Variants in UBN1 observed in about 807,000 individuals in gnomAD.
The protein encoded by UBN1 is ubinuclein 1, also known as ubinuclein-1.
In UBN1, 17 loss-of-function variants were observed where a neutral mutation model predicts 108.5. The observed-to-expected ratio is 0.16, with a 90% CI of 0.11 to 0.24. The LOEUF is 0.24. UBN1 is among the 10% of genes least tolerant of loss of function. The pLI is 1.00. For synonymous variants in UBN1, 726 were observed against 564.2 expected (o/e 1.29, Z -4.07); for missense variants, 1,595 against 1,394.4 (o/e 1.14, Z -2.29).
At chr16:4,872,676 C>T (rs1443910151) in intron 12 of UBN1, among the ~76,000 whole-genome samples, 1 of 152,156 alleles carries the variant, frequency 6.6e-6, no homozygotes, top group East Asian at 1.9e-4. Context: ...ACCATGTTGG[C>T]CAGGCTGGTC....
In UBN1 at chr16:4,868,898, A is replaced by T; in HGVS notation, c.1176A>T (p.Leu392=). The part of the protein sequence containing the change: ...KFFTQDINGI[L]LDIEAQTREL... The stretch of plus-strand genomic sequence containing the variant: ...TCACCCAGGATATTAATGGAATCCT[A>T]TTAGAGTGAGTATCGTCTGTCTGTC... Residue 392 remains leucine, a synonymous_variant, in exon 8 of 18, where the codon CTA becomes CTT. Coordinates refer to ENST00000262376, the MANE Select transcript of UBN1 (RefSeq NM_001079514.3). 6.2e-7 allele frequency: 1 copy of T among 1,613,860 alleles called. No individual in the cohort carries two copies. The highest frequency in any genetic ancestry group is 1.3e-5 in the African/African-American group (1 of 74,990).
intron 7 of UBN1, 90 bp from the exon 8 acceptor site, chr16:4,868,743 T>A: frequency 7.7e-7 from 1 of 1,303,402 alleles, no homozygotes; most frequent in Non-Finnish European, 1.1e-6. Flanking sequence ...AGGTGCTCTT[T>A]ATGGAGCGAT....
intron 7 of UBN1, among the ~76,000 whole-genome samples, chr16:4,864,707 A>T (rs1039668754): frequency 6.6e-6 from 1 of 152,130 alleles, no homozygotes; most frequent in Non-Finnish European, 1.5e-5. Context: ...ACCCAGATCT[A>T]TTTTGGTTCT....
chr16:4,854,348 T>TGTG (rs1775765483), intron 2 of UBN1, among the ~76,000 whole-genome samples: 1 of 142,418 alleles, frequency 7.0e-6, no homozygotes, highest in African/African-American at 2.7e-5. Flanking sequence ...TTTTTGTTGT[T>TGTG]GTTGTTGTTT....
chr16:4,876,785 G>A, intron 15 of UBN1, 86 bp from the exon 16 acceptor site: 2 of 1,515,080 alleles, frequency 1.3e-6, no homozygotes, highest in African/African-American at 1.4e-5. Context: ...GGACACACAA[G>A]GAGGATCCTT....
rs183700367 is a variant in UBN1, at chr16:4,857,703, G to A, written c.250-287G>A. On this transcript the variant is annotated intron_variant, in intron 2 of 17. Transcript: ENST00000262376. ...ACTTTATTGAACGTGGTTGTGTAGC[G>A]ACTGGGCATCTCCTTCTAAAGGCCC... Among the ~76,000 whole-genome samples the A allele has an allele frequency of 1.5e-3, 224 of 152,294 alleles. 5 individuals are homozygous for A. Among genetic ancestry groups the A allele is most frequent in the Middle Eastern group, 3.4e-3 (1 of 294 alleles).
chr16:4,861,769 C>G (rs1253811379), intron 7 of UBN1, among the ~76,000 whole-genome samples: 1 of 152,222 alleles, frequency 6.6e-6, no homozygotes, highest in Non-Finnish European at 1.5e-5. Context: ...TGGTGAAACC[C>G]TGTTTCTACT....
intron 1 of UBN1, among the ~76,000 whole-genome samples, chr16:4,851,356 A>G (rs546493357): frequency 6.6e-6 from 1 of 152,304 alleles, no homozygotes; most frequent in Admixed American, 6.5e-5. Context: ...AGGCTGAGGT[A>G]GGAGGATCGC....
intron 12 of UBN1, chr16:4,872,447 TTTGTGTGTG>T: frequency 3.0e-6 from 1 of 333,960 alleles, no homozygotes; most frequent in Non-Finnish European, 4.0e-6. Flanking sequence ...GACCTTTTTT[TTTGTGTGTG>T]TGGGGGGTGG....
intron 11 of UBN1, 41 bp from the exon 12 acceptor site, chr16:4,871,114 C>T (rs367783587): frequency 3.1e-6 from 5 of 1,611,644 alleles, no homozygotes; most frequent in Non-Finnish European, 4.2e-6. Flanking sequence ...GGAGCAGCAT[C>T]TGAAGTAGTT....
chr16:4,852,944 C>T lies in UBN1; in HGVS notation c.27C>T (p.Phe9=). Residue 9 remains phenylalanine (F), a synonymous_variant, in exon 2 of 18, where the codon TTC becomes TTT. Transcript: ENST00000262376. ...TGTCGGAGCCCCACAGGGTCCAGTT[C>T]ACCTCTCTCCCAGGTTCCCTGAATC... MSEPHRVQ[F]TSLPGSLNPA... is the part of the protein sequence containing the mutation. The T allele has an allele frequency of 6.2e-7, 1 of 1,614,156 alleles. No individual in the cohort carries two copies. Among genetic ancestry groups the T allele is most frequent in the Non-Finnish European group, 8.5e-7 (1 of 1,180,028 alleles).
intron 1 of UBN1, among the ~76,000 whole-genome samples, chr16:4,849,532 AG>A (rs1469328464): frequency 6.6e-6 from 1 of 152,122 alleles, no homozygotes; most frequent in South Asian, 2.1e-4. Context: ...CCAAGGGACA[AG>A]GAAGGCTAGT....
chr16:4,867,021 T>A (rs2087367781), intron 7 of UBN1, among the ~76,000 whole-genome samples: 1 of 152,186 alleles, frequency 6.6e-6, no homozygotes, highest in Non-Finnish European at 1.5e-5. Flanking sequence ...CTGGGGAAGA[T>A]GCCCTAAGAG....
At chr16:4,873,503 A>G (rs895882373) in intron 14 of UBN1, among the ~76,000 whole-genome samples, 6 of 152,234 alleles carry the variant, frequency 3.9e-5, no homozygotes, top group African/African-American at 1.4e-4. Context: ...TGGAGAATAG[A>G]CACTGTGAAA....
Position 4,860,921 on chromosome 16 carries a change from C to T in UBN1, c.929C>T (p.Ser310Leu), listed in dbSNP as rs368605382. The T allele has an allele frequency of 2.1e-5, 34 of 1,614,128 alleles. No homozygotes were observed. Among genetic ancestry groups the T allele is most frequent in the Non-Finnish European group, 2.4e-5 (28 of 1,180,064 alleles). Residue 310 changes from serine (S) to leucine (L), a missense_variant, in exon 7 of 18, where the codon TCG becomes TTG. By Grantham distance (145) the Ser-to-Leu change is moderately radical. Coordinates refer to ENST00000262376, the MANE Select transcript of UBN1 (RefSeq NM_001079514.3). ...DLLQAATAMDSLTDLDLEHLL... is the reference protein window; with the variant it reads ...DLLQAATAMDLLTDLDLEHLL... The stretch of plus-strand genomic sequence containing the variant: ...CTCCAGGCGGCCACTGCCATGGACT[C>T]GCTGACGGATTTGGACTTGGAGCAT...
At chr16:4,858,975 C>T (rs180757671) in intron 4 of UBN1, 50 bp from the exon 5 acceptor site, 28 of 1,600,246 alleles carry the variant, frequency 1.7e-5, no homozygotes, top group East Asian at 2.2e-5. Context: ...TTTGCACCTT[C>T]GGACTGCAGA....
In UBN1 at chr16:4,870,505, G is replaced by T; in HGVS notation, c.1312-11G>T. On this transcript the variant is annotated splice_polypyrimidine_tract_variant and intron_variant, in intron 9 of 17. Coordinates refer to ENST00000262376, the MANE Select transcript of UBN1 (RefSeq NM_001079514.3). ...GTAAACCTGCCTTGAATTGTGTCCC[G>T]CTCTTCGCAGGGGGGCCGTCTGAAG... 6.2e-7 allele frequency: 1 copy of T among 1,614,080 alleles called. No individual in the cohort carries two copies. Among genetic ancestry groups the T allele is most frequent in the Non-Finnish European group, 8.5e-7 (1 of 1,179,954 alleles).
chr16:4,858,463 A>G, intron 3 of UBN1, 105 bp from the exon 4 acceptor site: 1 of 963,002 alleles, frequency 1.0e-6, no homozygotes, highest in Admixed American at 2.0e-5. Context: ...TGACTGTTTT[A>G]GTTAGTGCAT....
intron 7 of UBN1, among the ~76,000 whole-genome samples, chr16:4,865,137 G>A (rs1410818120): frequency 6.6e-6 from 1 of 152,076 alleles, no homozygotes; most frequent in South Asian, 2.1e-4. Flanking sequence ...CTTTTTAGGG[G>A]TGAGGGACCC....
Sources: allele counts gnomAD v4.1 joint callset (sites outside exome capture counted in the v4.1 genomes callset), GRCh38; gene constraint gnomAD v4.1.1; transcripts MANE v1.5; gene names NCBI Gene and HGNC (gene_info 2026-07-23, HGNC 2026-07-21).